The following GSK3B variants were observed in gnomAD, a reference collection of about 807,000 sequenced individuals.
GSK3B encodes glycogen synthase kinase 3 beta.
GSK3B carries 15 observed loss-of-function variants against 56.4 expected under a neutral mutation model. That is an observed-to-expected ratio of 0.27 (90% CI 0.18 to 0.41). GSK3B has a LOEUF of 0.41. GSK3B is among the 10% of genes least tolerant of loss of function. The probability of loss-of-function intolerance (pLI) is 1.00; values close to 1 mark genes in which losing one functional copy is unlikely to be tolerated. For missense variants in GSK3B, 300 were observed against 513.4 expected, an observed-to-expected ratio of 0.58 and a Z score of 4.02; for synonymous variants, 181 against 188.9, an observed-to-expected ratio of 0.96 and a Z score of 0.34.
intron 3 of GSK3B, among the ~76,000 whole-genome samples, chr3:119,926,777 T>C (rs186778556): frequency 7.5e-4 from 115 of 152,322 alleles, no homozygotes; most frequent in African/African-American, 2.7e-3. Flanking sequence ...TCTAATTCTT[T>C]AACCTAGAAT....
At position 119,923,363 on chromosome 3, in the gene GSK3B, T is replaced by G; in HGVS notation, c.477+10A>C. The G allele has an allele frequency of 7.1e-7, 1 of 1,414,906 alleles. No homozygotes were observed. Among genetic ancestry groups the G allele is most frequent in the Non-Finnish European group, 1.0e-6 (1 of 1,003,254 alleles). The allele number at this position is 1,414,906 out of a possible 1,614,324, so 87.6% of individuals were successfully genotyped here. A position where few individuals can be genotyped will look rare whatever the true frequency, so the allele number is the denominator to read the frequency against. ...TTTCTAAAATGGAAAATTGTTATGT[T>G]TTTACATACCTTGACATAAATCACA... On this transcript the variant is annotated intron_variant, in intron 4 of 10. Coordinates refer to ENST00000264235, the MANE Select transcript of GSK3B (RefSeq NM_001146156.2).
At chr3:119,963,452 C>T (rs569428896) in intron 2 of GSK3B, among the ~76,000 whole-genome samples, 1 of 151,610 alleles carries the variant, frequency 6.6e-6, no homozygotes, top group South Asian at 2.1e-4. Flanking sequence ...TATAAAACTA[C>T]AGTAATCAAA....
intron 9 of GSK3B, among the ~76,000 whole-genome samples, chr3:119,844,128 G>C (rs187089775): frequency 7.1e-4 from 108 of 152,222 alleles, no homozygotes; most frequent in Non-Finnish European, 1.3e-3. Context: ...AAACCAATGA[G>C]AACAAAGACA....
At chr3:119,993,985 T>C (rs929444817) in intron 2 of GSK3B, among the ~76,000 whole-genome samples, 1 of 152,178 alleles carries the variant, frequency 6.6e-6, no homozygotes, top group Non-Finnish European at 1.5e-5. Context: ...GCCATTCTCT[T>C]GCCTCAGCCT....
intron 1 of GSK3B, among the ~76,000 whole-genome samples, chr3:120,059,990 T>C (rs1186076553): frequency 6.6e-6 from 1 of 152,210 alleles, no homozygotes; most frequent in Non-Finnish European, 1.5e-5. Context: ...AAAATTTTAC[T>C]GAAATCTTGT....
Position 120,093,360 on chromosome 3 carries a change from G to A in GSK3B, c.75C>T (p.Ser25=). 1 of 1,611,974 alleles carries A rather than the reference G, an allele frequency of 6.2e-7. No individual in the cohort carries two copies. The highest frequency in any genetic ancestry group is 1.1e-5 in the South Asian group (1 of 91,046). ...ACCAATACTCACTGCTAACTTTCAT[G>A]CTGCCAAAAGCTGAAGGCTGCTGCA... ...KPVQQPSAFG[S]MKVSRDKDGS... Residue 25 remains serine (S), a synonymous_variant, in exon 1 of 11, where the codon AGC becomes AGT. Coordinates refer to ENST00000264235, the MANE Select transcript of GSK3B (RefSeq NM_001146156.2).
intron 1 of GSK3B, among the ~76,000 whole-genome samples, chr3:120,030,763 A>G (rs747403901): frequency 2.6e-5 from 4 of 152,228 alleles, no homozygotes; most frequent in Non-Finnish European, 5.9e-5. Context: ...TACTATATTC[A>G]CAGTAACCAG....
At chr3:119,855,765 T>C (rs1158936278) in intron 9 of GSK3B, among the ~76,000 whole-genome samples, 1 of 146,892 alleles carries the variant, frequency 6.8e-6, no homozygotes, top group Non-Finnish European at 1.5e-5. Flanking sequence ...CACTCACAGA[T>C]GGGAATTGAC....
intron 3 of GSK3B, among the ~76,000 whole-genome samples, chr3:119,939,101 T>C (rs1055968868): frequency 1.3e-5 from 2 of 150,778 alleles, no homozygotes; most frequent in Non-Finnish European, 1.5e-5. Context: ...GGAGAGAAAA[T>C]AGTGAGATAT....
intron 3 of GSK3B, among the ~76,000 whole-genome samples, chr3:119,933,260 A>G (rs2056964402): frequency 6.6e-6 from 1 of 152,218 alleles, no homozygotes; most frequent in South Asian, 2.1e-4. Context: ...TCAGTCTGAG[A>G]AAACTAAGTA....
intron 4 of GSK3B, among the ~76,000 whole-genome samples, chr3:119,918,722 AC>A (rs2056806683): frequency 6.6e-6 from 1 of 152,196 alleles, no homozygotes; most frequent in African/African-American, 2.4e-5. Context: ...TTCAATGAAA[AC>A]AATTTTTTTT....
intron 4 of GSK3B, among the ~76,000 whole-genome samples, chr3:119,922,275 A>AAGGAAGGG (rs1202734045): frequency 1.9e-4 from 27 of 142,346 alleles, no homozygotes; most frequent in African/African-American, 5.6e-4. Context: ...GGAAGGAAGG[A>AAGGAAGGG]AGGGAGGAGG....
intron 10 of GSK3B, among the ~76,000 whole-genome samples, chr3:119,842,484 G>A (rs911858593): frequency 1.3e-5 from 2 of 151,772 alleles, no homozygotes; most frequent in African/African-American, 4.8e-5. Flanking sequence ...GTATACTACT[G>A]CAATTTACAT....
intron 8 of GSK3B, among the ~76,000 whole-genome samples, chr3:119,873,595 T>A (rs748986157): frequency 3.9e-5 from 6 of 152,148 alleles, no homozygotes; most frequent in Non-Finnish European, 8.8e-5. Context: ...CTCAAGTTGC[T>A]GTCCACTATC....
At chr3:119,911,116 T>C (rs1041736396) in intron 6 of GSK3B, among the ~76,000 whole-genome samples, 2 of 152,170 alleles carry the variant, frequency 1.3e-5, no homozygotes, top group African/African-American at 2.4e-5. Flanking sequence ...GAATGGTGAA[T>C]CCTTTCCAGA....
chr3:119,905,597 G>A (rs1428834029), intron 7 of GSK3B, among the ~76,000 whole-genome samples, 158 bp downstream of exon 7: 1 of 152,056 alleles, frequency 6.6e-6, no homozygotes, highest in African/African-American at 2.4e-5. Flanking sequence ...AAGGCTGGGG[G>A]GGCGTTCTTA....
intron 2 of GSK3B, among the ~76,000 whole-genome samples, chr3:119,970,825 AAAAC>A (rs1210013525): frequency 1.3e-5 from 2 of 151,822 alleles, no homozygotes; most frequent in Non-Finnish European, 2.9e-5. Flanking sequence ...CAAAAAATAA[AAAAC>A]AAAAACAATC....
intron 7 of GSK3B, among the ~76,000 whole-genome samples, chr3:119,889,276 C>G (rs1018745434): frequency 6.6e-6 from 1 of 152,066 alleles, no homozygotes; most frequent in Non-Finnish European, 1.5e-5. Flanking sequence ...TACTCTTTCT[C>G]TTTATTTCTC....
intron 2 of GSK3B, among the ~76,000 whole-genome samples, chr3:119,962,334 C>T (rs1390697841): frequency 6.0e-5 from 9 of 150,576 alleles, no homozygotes; most frequent in African/African-American, 2.2e-4. Context: ...AAGATTGTGC[C>T]ATTGCACTCC....
Sources: allele counts gnomAD v4.1 joint callset (sites outside exome capture counted in the v4.1 genomes callset), GRCh38; gene constraint gnomAD v4.1.1; transcripts MANE v1.5; gene names NCBI Gene and HGNC (gene_info 2026-07-23, HGNC 2026-07-21).